The following PCDHA3 variants were observed in gnomAD, a reference collection of about 807,000 sequenced individuals.
The protein encoded by PCDHA3 is protocadherin alpha-3.
In PCDHA3, 41 loss-of-function variants were observed where a neutral mutation model predicts 62.2. That is an observed-to-expected ratio of 0.66 (90% CI 0.51 to 0.86). PCDHA3 has a LOEUF of 0.86. Among genes scored for constraint, PCDHA3 ranks in the 40% least tolerant of loss-of-function variants. PCDHA3 has a pLI of 0.00. For missense variants in PCDHA3, 1,304 were observed against 1,241.2 expected (o/e 1.05, Z -0.76); for synonymous variants, 640 against 555.4 (o/e 1.15, Z -2.14).
At chr5:140,991,919 A>T (rs185947527) in intron 3 of PCDHA3, among the ~76,000 whole-genome samples, 96 of 152,274 alleles carry the variant, frequency 6.3e-4, no homozygotes, top group Admixed American at 1.2e-3. Flanking sequence ...GCCATGTAAC[A>T]TAACATATTC....
At chr5:140,852,214 ATTTTAAT>A (rs2042272787) in intron 1 of PCDHA3, 1 of 644,752 alleles carries the variant, frequency 1.6e-6, no homozygotes, top group Non-Finnish European at 2.0e-6. Flanking sequence ...AAAACAAAAT[ATTTTAAT>A]TTTTAAATTT....
intron 3 of PCDHA3, among the ~76,000 whole-genome samples, chr5:141,006,816 G>C (rs1554260932): frequency 6.6e-6 from 1 of 152,082 alleles, no homozygotes; most frequent in African/African-American, 2.4e-5. Flanking sequence ...TGAGAAATGG[G>C]GTAAATGGGG....
chr5:140,807,978 T>C (rs1554124372), intron 1 of PCDHA3: 1 of 1,613,852 alleles, frequency 6.2e-7, no homozygotes, highest in South Asian at 1.1e-5. Context: ...GTAATTAAAC[T>C]TAACGCCTCA....
intron 1 of PCDHA3, among the ~76,000 whole-genome samples, chr5:140,875,000 C>A (rs2055209641): frequency 3.3e-5 from 5 of 152,130 alleles, no homozygotes; most frequent in Admixed American, 3.3e-4. Flanking sequence ...TATCATTTTC[C>A]ATGATAAAGT....
At chr5:141,004,857 A>C (rs987029522) in intron 3 of PCDHA3, among the ~76,000 whole-genome samples, 2 of 152,150 alleles carry the variant, frequency 1.3e-5, no homozygotes, top group African/African-American at 4.8e-5. Context: ...TCAGAGAAAA[A>C]ATTTGTTTCT....
chr5:140,965,331 G>T (rs2153743444), intron 1 of PCDHA3, among the ~76,000 whole-genome samples: 1 of 152,252 alleles, frequency 6.6e-6, no homozygotes, highest in Non-Finnish European at 1.5e-5. Context: ...AAGTGAATTT[G>T]TTGTCTCTGT....
At chr5:140,843,209 G>T (rs2150355357) in intron 1 of PCDHA3, 1 of 1,595,962 alleles carries the variant, frequency 6.3e-7, no homozygotes, top group African/African-American at 1.3e-5. Flanking sequence ...GTACACGGGC[G>T]AGATCAGCAC....
Position 140,802,355 on chromosome 5 carries a change from C to T in PCDHA3, c.1158C>T (p.Thr386=), listed in dbSNP as rs781874120. 12 of 1,614,152 alleles carry T rather than the reference C, an allele frequency of 7.4e-6. No homozygotes were observed. The highest frequency in any genetic ancestry group is 1.0e-5 in the Non-Finnish European group (12 of 1,180,064). The change falls in exon 1 of 4, where the codon ACC becomes ACT. Residue 386 remains threonine (T), a synonymous_variant. Coordinates refer to ENST00000522353, the MANE Select transcript of PCDHA3 (RefSeq NM_018906.3). ...DRDSGVNGQV[T]CSLTPHVPFK... ...ACTCAGGAGTCAATGGACAGGTCAC[C>T]TGCTCGCTGACGCCCCACGTCCCCT...
At chr5:141,003,517 T>C (rs538562882) in intron 3 of PCDHA3, among the ~76,000 whole-genome samples, 1 of 152,238 alleles carries the variant, frequency 6.6e-6, no homozygotes, top group East Asian at 1.9e-4. Context: ...TTCACCATGT[T>C]CCCTAGGCTG....
chr5:140,802,116 A>G lies in PCDHA3; in HGVS notation c.919A>G (p.Asn307Asp). The G allele has an allele frequency of 6.2e-7, 1 of 1,614,256 alleles. No individual in the cohort carries two copies. The highest frequency in any genetic ancestry group is 8.5e-7 in the Non-Finnish European group (1 of 1,180,044). ...CAATGGACAAATCAGTGTAAAGGGT[A>G]ACATAGATTTCGAGGAAAGTAAGTC... is the stretch of plus-strand genomic sequence containing the variant. ...PVNGQISVKG[N>D]IDFEESKSYE... is the part of the protein sequence containing the mutation. Residue 307 changes from asparagine (N) to aspartate (D), a missense_variant, in exon 1 of 4, where the codon AAC becomes GAC. Physicochemically the swap from Asn to Asp is conservative, Grantham distance 23 (BLOSUM62 1). Transcript: ENST00000522353.
chr5:141,001,468 G>A (rs1375908420), intron 3 of PCDHA3, among the ~76,000 whole-genome samples: 1 of 152,226 alleles, frequency 6.6e-6, no homozygotes, highest in African/African-American at 2.4e-5. Context: ...GGACTAAGCA[G>A]CAGCGGGGAA....
chr5:140,809,245 T>C, intron 1 of PCDHA3: 1 of 1,614,066 alleles, frequency 6.2e-7, no homozygotes, highest in Non-Finnish European at 8.5e-7. Context: ...TGGTGGGCGC[T>C]GTGGGTCCCG....
chr5:140,804,534 T>A (rs1162038331), intron 1 of PCDHA3: 1 of 152,174 alleles, frequency 6.6e-6, no homozygotes, highest in Non-Finnish European at 1.5e-5. Context: ...AAACTTTTTA[T>A]TCATTAGTGT....
intron 1 of PCDHA3, among the ~76,000 whole-genome samples, chr5:140,939,276 C>T (rs146183157): frequency 6.6e-6 from 1 of 152,174 alleles, no homozygotes; most frequent in Non-Finnish European, 1.5e-5. Flanking sequence ...GAGAGCTGTG[C>T]CCTCGTGATC....
At chr5:140,941,718 T>G (rs910042752) in intron 1 of PCDHA3, among the ~76,000 whole-genome samples, 1 of 152,204 alleles carries the variant, frequency 6.6e-6, no homozygotes, top group African/African-American at 2.4e-5. Context: ...CCACAATTTG[T>G]CCTAGCAGTT....
chr5:140,852,117 T>A, intron 1 of PCDHA3: 1 of 906,144 alleles, frequency 1.1e-6, no homozygotes, highest in Non-Finnish European at 1.3e-6. Context: ...AGGTATGACC[T>A]AATTAAAAAC....
At chr5:140,883,623 C>T (rs782045250) in intron 1 of PCDHA3, 3 of 1,613,988 alleles carry the variant, frequency 1.9e-6, no homozygotes, top group East Asian at 4.5e-5. Context: ...AACGACAACG[C>T]GCCGGCGTTC....
intron 1 of PCDHA3, chr5:140,858,161 G>A (rs1409243603): frequency 1.3e-6 from 2 of 1,597,720 alleles, no homozygotes; most frequent in African/African-American, 2.7e-5. Context: ...CATCTGCGCG[G>A]TGTCCAGCTT....
chr5:140,929,566 C>A, intron 1 of PCDHA3: 2 of 459,566 alleles, frequency 4.4e-6, no homozygotes, highest in Admixed American at 4.2e-5. Flanking sequence ...TATTTAAGAA[C>A]AATAAAAGTA....
Sources: gnomAD v4.1 joint callset for allele counts (sites outside exome capture counted in the v4.1 genomes callset) on GRCh38, gnomAD v4.1.1 for gene constraint, MANE v1.5 for transcripts, NCBI Gene and HGNC (gene_info 2026-07-23, HGNC 2026-07-21) for gene names.